CELF2: variants seen among roughly 807,000 people sequenced by gnomAD.
CELF2 encodes the protein CUG triplet repeat RNA-binding protein 2.
CELF2 carries 8 observed loss-of-function variants against 62.6 expected under a neutral mutation model. The observed-to-expected ratio is 0.13, with a 90% confidence interval of 0.07 to 0.23. CELF2 has a LOEUF of 0.23. Ranked by LOEUF, CELF2 falls within the 10% of genes least tolerant of loss-of-function variation. The pLI, the probability that CELF2 is intolerant of heterozygous loss-of-function variation, is 1.00. For synonymous variants in CELF2, 258 were observed against 250.0 expected, an observed-to-expected ratio of 1.03 and a Z score of -0.30; for missense variants, 333 against 671.0, an observed-to-expected ratio of 0.50 and a Z score of 5.56.
intron 1 of CELF2, among the ~76,000 whole-genome samples, chr10:11,158,452 T>TG (rs2065006228): frequency 6.6e-6 from 1 of 152,120 alleles, no homozygotes; most frequent in South Asian, 2.1e-4. Flanking sequence ...CCTCTCCCTG[T>TG]GCAAACGCCT....
the CELF2 span, among the ~76,000 whole-genome samples, chr10:10,712,566 A>T: frequency 4.6e-5 from 7 of 152,180 alleles, no homozygotes; most frequent in African/African-American, 1.7e-4. Flanking sequence ...TTTCAAATAC[A>T]ACCAGCAATG....
the CELF2 span, among the ~76,000 whole-genome samples, chr10:10,778,873 C>G: frequency 1.3e-5 from 2 of 152,058 alleles, no homozygotes; most frequent in South Asian, 2.1e-4. Context: ...TGCTGGGAGT[C>G]TAGGAAGGCA....
chr10:10,570,853 T>A, the CELF2 span, among the ~76,000 whole-genome samples: 4 of 151,896 alleles, frequency 2.6e-5, no homozygotes, highest in Non-Finnish European at 5.9e-5. Flanking sequence ...CAGGAAATGG[T>A]GGGAAAACAA....
At chr10:11,023,145 A>C (rs976538866) in intron 1 of CELF2, among the ~76,000 whole-genome samples, 2 of 152,104 alleles carry the variant, frequency 1.3e-5, no homozygotes, top group Non-Finnish European at 2.9e-5. Context: ...AAAGAGTTAG[A>C]TGTTTGTCAG....
In CELF2 at chr10:10,957,080, A is replaced by G. The variant is rs761836109; in HGVS notation, c.89+37081A>G. Among the ~76,000 whole-genome samples, 1 of 152,202 alleles carries G rather than the reference A, an allele frequency of 6.6e-6. No homozygotes were observed. The highest frequency in any genetic ancestry group is 1.5e-5 in the Non-Finnish European group (1 of 68,046). ...ATCTAAGCACTTCAGGATCAAGTGT[A>G]GACTCTTGCACAAGGGAGCTCTGGA... On this transcript the variant is annotated intron_variant, in intron 2 of 13. Coordinates refer to the CELF2 transcript ENST00000636488. This position sits in a 1 kb window ranked among gnomAD's most constrained non-coding sequence, Gnocchi z 4.1.
At chr10:10,748,213 T>TA in the CELF2 span, among the ~76,000 whole-genome samples, 2,093 of 150,234 alleles carry the variant, frequency 0.014, 38 homozygotes, top group African/African-American at 0.047. Context: ...TCAAAATAGC[T>TA]AAAAAAAAAG....
upstream of CELF2, among the ~76,000 whole-genome samples, chr10:11,002,126 C>T (rs1380173757): frequency 6.6e-6 from 1 of 152,082 alleles, no homozygotes; most frequent in Non-Finnish European, 1.5e-5. The surrounding 1 kb of genome is among the most constrained non-coding windows in gnomAD (Gnocchi z 4.4). Flanking sequence ...CTGGACAGGC[C>T]TCACAATCAT....
chr10:10,925,739 A>T (rs2065399764), intron 2 of CELF2, among the ~76,000 whole-genome samples: 1 of 152,032 alleles, frequency 6.6e-6, no homozygotes, highest in Non-Finnish European at 1.5e-5. Flanking sequence ...GAGTCCCCAG[A>T]CCTTGCCACC....
chr10:11,320,770 A>G (rs1041717691), intron 10 of CELF2: 30 of 1,378,902 alleles, frequency 2.2e-5, no homozygotes, highest in South Asian at 6.4e-5. Flanking sequence ...ATAGTTCCTC[A>G]AAGAGCCCAG....
At chr10:11,049,764 G>A (rs1376583895) in intron 1 of CELF2, among the ~76,000 whole-genome samples, 4 of 152,170 alleles carry the variant, frequency 2.6e-5, no homozygotes, top group African/African-American at 9.6e-5. Context: ...TAAATGGGTT[G>A]TATGTGCACT....
At chr10:11,126,977 A>G (rs1411620138) in intron 1 of CELF2, among the ~76,000 whole-genome samples, 1 of 151,574 alleles carries the variant, frequency 6.6e-6, no homozygotes, top group Non-Finnish European at 1.5e-5. Context: ...TAGATGTGCC[A>G]TGTTCGTTTG....
intron 1 of CELF2, among the ~76,000 whole-genome samples, chr10:11,130,770 CT>C (rs1317867003): frequency 5.3e-5 from 8 of 152,160 alleles, no homozygotes; most frequent in African/African-American, 1.2e-4. Context: ...GAAACATAGT[CT>C]GTTATTAGCC....
chr10:11,145,607 G>A lies in CELF2; in HGVS notation c.75-19879G>A, dbSNP rs1211575022. Among the ~76,000 whole-genome samples, 1 of 152,196 alleles carries A rather than the reference G, an allele frequency of 6.6e-6. No homozygotes were observed. Among genetic ancestry groups the A allele is most frequent in the Non-Finnish European group, 1.5e-5 (1 of 68,040 alleles). On this transcript the variant is annotated intron_variant, in intron 1 of 12. Transcript: ENST00000633077. This position sits in a 1 kb window ranked among gnomAD's most constrained non-coding sequence, Gnocchi z 4.3. ...CGCTGAAGGCAGGAAGTGGAGAGCG[G>A]AAGTGAGCTGTGGGTGACTGCAGAG...
rs897427556 is a variant in CELF2, at chr10:11,255,652, G to A, written c.404-2086G>A. On this transcript the variant is annotated intron_variant, in intron 4 of 12. Transcript: ENST00000633077. This position sits in a 1 kb window ranked among gnomAD's most constrained non-coding sequence, Gnocchi z 5.5. ...GTGTCCCAGGAGCTGTCACAGTGGG[G>A]AGAGAGCTGGGTGGAAGGGATTCTG... is the stretch of plus-strand genomic sequence containing the variant. Among the ~76,000 whole-genome samples the A allele has an allele frequency of 6.6e-6, 1 of 152,112 alleles. No individual in the cohort carries two copies. The highest frequency in any genetic ancestry group is 6.5e-5 in the Admixed American group (1 of 15,278).
chr10:10,924,236 C>A (rs912423697), intron 2 of CELF2, among the ~76,000 whole-genome samples: 1 of 134,376 alleles, frequency 7.4e-6, no homozygotes, highest in Non-Finnish European at 1.5e-5. Context: ...GAGCCGAGAT[C>A]GCGCCACTGC....
At chr10:11,009,172 A>G (rs2055935832) in intron 1 of CELF2, among the ~76,000 whole-genome samples, 1 of 152,146 alleles carries the variant, frequency 6.6e-6, no homozygotes, top group East Asian at 1.9e-4. Context: ...CTTGGCTGAC[A>G]TTGGAAAGAG....
chr10:11,321,396 G>C lies in CELF2; in HGVS notation c.1294+10G>C. 2 of 1,600,462 alleles carry C rather than the reference G, an allele frequency of 1.2e-6. No homozygotes were observed. Among genetic ancestry groups the C allele is most frequent in the Non-Finnish European group, 1.7e-6 (2 of 1,178,826 alleles). On this transcript the variant is annotated intron_variant, in intron 11 of 12. Transcript: ENST00000633077. This position sits in a 1 kb window ranked among gnomAD's most constrained non-coding sequence, Gnocchi z 6.2. The stretch of plus-strand genomic sequence containing the variant: ...GGCAGCCAGAAGGAAGGTAGGTGCC[G>C]CCCTTGGCCCCAGGCAGGGCCCAGC...
Position 11,247,079 on chromosome 10 carries a change from C to T in CELF2, c.355-2074C>T, listed in dbSNP as rs553479464. Among the ~76,000 whole-genome samples the T allele has an allele frequency of 1.2e-4, 19 of 152,222 alleles. No homozygotes were observed. The highest frequency in any genetic ancestry group is 2.5e-4 in the Non-Finnish European group (17 of 68,030). On this transcript the variant is annotated intron_variant, in intron 3 of 12. Transcript: ENST00000633077. This position sits in a 1 kb window ranked among gnomAD's most constrained non-coding sequence, Gnocchi z 5.4. ...GCCTCCACCAGTGTTCCCTGGCCTG[C>T]GGCAGCAGCCTCTTAACTGTCCTCC...
chr10:11,123,572 T>C (rs985826909), intron 1 of CELF2, among the ~76,000 whole-genome samples: 3 of 152,158 alleles, frequency 2.0e-5, no homozygotes, highest in African/African-American at 7.2e-5. Flanking sequence ...TGATAGGTGG[T>C]GAGGGTTAAG....
Sources: allele counts gnomAD v4.1 joint callset (sites outside exome capture counted in the v4.1 genomes callset), GRCh38; gene constraint gnomAD v4.1.1; non-coding constraint Gnocchi (gnomAD v3.1); transcripts MANE v1.5; gene names NCBI Gene and HGNC (gene_info 2026-07-23, HGNC 2026-07-21).